The following FNDC1 variants were observed in gnomAD, a reference collection of about 807,000 sequenced individuals.
The protein encoded by FNDC1 is fibronectin type III domain containing 1.
In FNDC1, 96 loss-of-function variants were observed where a neutral mutation model predicts 168.0. The ratio of observed to expected loss-of-function variants is 0.57; its 90% CI spans 0.48 to 0.68. FNDC1 has a LOEUF of 0.68. FNDC1 is among the 30% of genes least tolerant of loss of function. The pLI, the probability that FNDC1 is intolerant of heterozygous loss-of-function variation, is 0.00. For missense variants in FNDC1, 2,587 were observed against 2,482.1 expected, an observed-to-expected ratio of 1.04 and a Z score of -0.90; for synonymous variants, 1,099 against 1,025.9, an observed-to-expected ratio of 1.07 and a Z score of -1.36.
chr6:159,253,281 G>C (rs905175742), intron 17 of FNDC1, among the ~76,000 whole-genome samples: 3 of 152,358 alleles, frequency 2.0e-5, no homozygotes, highest in South Asian at 4.1e-4. Flanking sequence ...TGTGGTGTGG[G>C]GGAAAACACC....
intron 22 of FNDC1, among the ~76,000 whole-genome samples, chr6:159,268,921 GTCTA>G (rs1407910932): frequency 3.4e-5 from 5 of 146,990 alleles, no homozygotes; most frequent in African/African-American, 1.3e-4. Flanking sequence ...TCATCTGCTT[GTCTA>G]TCTCTGTATC....
intron 5 of FNDC1, among the ~76,000 whole-genome samples, chr6:159,217,500 G>A (rs376488589): frequency 1.3e-4 from 19 of 151,868 alleles, no homozygotes; most frequent in African/African-American, 4.1e-4. Context: ...CAGCAGTTTG[G>A]ATTTGATCTG....
chr6:159,170,824 T>C (rs1781639287), intron 1 of FNDC1, among the ~76,000 whole-genome samples: 1 of 152,216 alleles, frequency 6.6e-6, no homozygotes, highest in Non-Finnish European at 1.5e-5. Flanking sequence ...CCGTAGGGTC[T>C]TTTTCTTCCC....
intron 1 of FNDC1, among the ~76,000 whole-genome samples, chr6:159,171,578 G>A (rs1483591583): frequency 2.0e-5 from 3 of 152,178 alleles, no homozygotes; most frequent in African/African-American, 4.8e-5. Flanking sequence ...TAGTGGCTCC[G>A]AGGGACTTTG....
intron 10 of FNDC1, among the ~76,000 whole-genome samples, chr6:159,230,446 G>C (rs1783057099): frequency 6.6e-6 from 1 of 152,208 alleles, no homozygotes; most frequent in Non-Finnish European, 1.5e-5. Context: ...ATATTCACTG[G>C]CTGGGAGATG....
intron 22 of FNDC1, among the ~76,000 whole-genome samples, chr6:159,268,642 C>CTATG (rs900299492): frequency 6.6e-6 from 1 of 152,062 alleles, no homozygotes; most frequent in East Asian, 1.9e-4. Flanking sequence ...ATCTATCCAT[C>CTATG]TATGTATGTA....
rs1410443984 is a variant in FNDC1 at position 159,193,718 on chromosome 6, A to G, written c.110-3713A>G. ...GCCATTGGAATCTTGGAATCCATCTATCTAAGAGCAGTCATGGATCCATAC... is the reference window on the plus strand; with the variant it reads ...GCCATTGGAATCTTGGAATCCATCTGTCTAAGAGCAGTCATGGATCCATAC... On this transcript the variant is annotated intron_variant, in intron 1 of 22. Coordinates refer to ENST00000297267, the MANE Select transcript of FNDC1 (RefSeq NM_032532.3). 3.9e-5 allele frequency among the ~76,000 whole-genome samples: 6 copies of G among 152,322 alleles called. No individual in the cohort carries two copies. The East Asian group carries it at 7.7e-4, about 20-fold the overall frequency.
chr6:159,176,088 T>C (rs2114917229), intron 1 of FNDC1, among the ~76,000 whole-genome samples: 1 of 152,326 alleles, frequency 6.6e-6, no homozygotes, highest in Middle Eastern at 3.4e-3. Flanking sequence ...TTTTATGGTG[T>C]CACGTCCCTT....
At chr6:159,226,692 G>A in intron 9 of FNDC1, 112 bp downstream of exon 9, 4 of 750,616 alleles carry the variant, frequency 5.3e-6, no homozygotes, top group Admixed American at 3.1e-5. Context: ...TGTCTAAGAG[G>A]TGCTCACCCA....
intron 4 of FNDC1, among the ~76,000 whole-genome samples, chr6:159,212,589 T>C (rs1782628701): frequency 6.6e-6 from 1 of 152,176 alleles, no homozygotes; most frequent in East Asian, 1.9e-4. Context: ...ACAATTGTGT[T>C]TAGAGGGAGG....
chr6:159,230,353 A>G (rs1271421074), intron 10 of FNDC1, among the ~76,000 whole-genome samples: 2 of 152,120 alleles, frequency 1.3e-5, no homozygotes, highest in Non-Finnish European at 2.9e-5. Context: ...TTCAATTTCT[A>G]TGTAGCTTTA....
chr6:159,179,860 T>A (rs923306060), intron 1 of FNDC1, among the ~76,000 whole-genome samples: 1 of 152,220 alleles, frequency 6.6e-6, no homozygotes, highest in African/African-American at 2.4e-5. Flanking sequence ...AATATATTTA[T>A]GTATGTTGAC....
Position 159,256,590 on chromosome 6 carries a change from A to G in FNDC1, c.5133A>G (p.Ser1711=). The G allele has an allele frequency of 1.2e-6, 2 of 1,614,022 alleles. No homozygotes were observed. Among genetic ancestry groups the G allele is most frequent in the South Asian group, 1.1e-5 (1 of 91,088 alleles). The change falls in exon 18 of 23, where the codon TCA becomes TCG. Residue 1711 remains serine, a synonymous_variant. Transcript: ENST00000297267. ...IRNKWSTQAS[S]VTHLPIENLK... is the part of the protein sequence containing the mutation. ...ACAAGTGGTCCACTCAAGCTTCATC[A>G]GTAACTCACTTGCCCATTGAGAACC...
chr6:159,174,713 G>T (rs1244493648), intron 1 of FNDC1, among the ~76,000 whole-genome samples: 2 of 152,254 alleles, frequency 1.3e-5, no homozygotes, highest in African/African-American at 2.4e-5. Flanking sequence ...AAGCACTGAT[G>T]AGAAAGGAAA....
Position 159,239,922 on chromosome 6 carries a change from G to A in FNDC1, c.4586G>A (p.Ser1529Asn). The A allele has an allele frequency of 6.6e-7, 1 of 1,509,040 alleles. No homozygotes were observed. The highest frequency in any genetic ancestry group is 8.9e-7 in the Non-Finnish European group (1 of 1,123,588). The allele number at this position is 1,509,040 out of a possible 1,614,324, so 93.5% of individuals were successfully genotyped here. Residue 1529 changes from serine (S) to asparagine (N), a missense_variant, in exon 14 of 23, where the codon AGC (serine) becomes AAC (asparagine). Coordinates refer to ENST00000297267, the MANE Select transcript of FNDC1 (RefSeq NM_032532.3). ...RHDDDGNLIM[S>N]SNGIPECYAE... Reference sequence around the variant, plus strand: ...GACGATGATGGCAACCTGATAATGAGCTCCAATGGGATCCCAGAGTGCTAC... The same window carrying A: ...GACGATGATGGCAACCTGATAATGAACTCCAATGGGATCCCAGAGTGCTAC...
At position 159,256,389 on chromosome 6, in the gene FNDC1, C is replaced by T. The variant is rs376943544; in HGVS notation, c.5066-134C>T. The T allele has an allele frequency of 5.0e-4, 342 of 679,104 alleles. 2 individuals are homozygous for T. In the South Asian group the frequency reaches 5.5e-3, roughly 11 times the overall value. The allele number at this position is 679,104 out of a possible 1,614,324, so 42.1% of individuals were successfully genotyped here. On this transcript the variant is annotated intron_variant, in intron 17 of 22. Transcript: ENST00000297267. ...CATCCCATCCTGTCCCACAGTGCCG[C>T]GTGCCCTCCTTCCTGTAGTTCCCAC... is the stretch of plus-strand genomic sequence containing the variant.
chr6:159,233,953 C>T lies in FNDC1; in HGVS notation c.3441C>T (p.Arg1147=), dbSNP rs775710798. The T allele has an allele frequency of 1.3e-6, 2 of 1,570,472 alleles. No individual in the cohort carries two copies. The highest frequency in any genetic ancestry group is 2.3e-5 in the South Asian group (2 of 86,004). The stretch of plus-strand genomic sequence containing the variant: ...GCCGACCCGGCGGCCCCCAGTCCCG[C>T]GCCCGGGTACCCAGCAGGGCAGCGC... ...RPSRPGGPQS[R]ARVPSRAAPG... Residue 1147 remains arginine, a synonymous_variant, in exon 11 of 23, where the codon CGC becomes CGT. Coordinates refer to ENST00000297267, the MANE Select transcript of FNDC1 (RefSeq NM_032532.3). This position sits in a 1 kb window ranked among gnomAD's most constrained non-coding sequence, Gnocchi z 4.6.
intron 1 of FNDC1, among the ~76,000 whole-genome samples, chr6:159,176,911 G>T: frequency 6.6e-6 from 1 of 152,144 alleles, no homozygotes; most frequent in Non-Finnish European, 1.5e-5. Context: ...ATATTGTATC[G>T]CCTCCAGTCA....
intron 9 of FNDC1, 43 bp from the exon 10 acceptor site, chr6:159,229,772 G>C: frequency 1.9e-6 from 3 of 1,569,092 alleles, no homozygotes; most frequent in Non-Finnish European, 2.6e-6. Context: ...ACACAGGACT[G>C]TTTTCAGTTT....
Sources: gnomAD v4.1 joint callset for allele counts (sites outside exome capture counted in the v4.1 genomes callset) on GRCh38, gnomAD v4.1.1 for gene constraint, Gnocchi (gnomAD v3.1) non-coding constraint, MANE v1.5 for transcripts, NCBI Gene and HGNC (gene_info 2026-07-23, HGNC 2026-07-21) for gene names.